The following FAM174A variants were observed in gnomAD, a reference collection of about 807,000 sequenced individuals.
The protein encoded by FAM174A is membrane protein FAM174A.
In FAM174A, 14 loss-of-function variants were observed where a neutral mutation model predicts 14.3. The ratio of observed to expected loss-of-function variants is 0.98; its 90% confidence interval spans 0.65 to 1.53. The LOEUF is 1.53. Ranked by LOEUF, FAM174A falls within the 40% of genes most tolerant of loss-of-function variation. The probability of loss-of-function intolerance (pLI) is 0.00; values close to 1 mark genes in which losing one functional copy is unlikely to be tolerated. For synonymous variants in FAM174A, 108 were observed against 111.4 expected, an observed-to-expected ratio of 0.97 and a Z score of 0.19; for missense variants, 241 against 249.6, an observed-to-expected ratio of 0.97 and a Z score of 0.23.
intron 2 of FAM174A, among the ~76,000 whole-genome samples, chr5:100,566,653 C>T (rs1746658651): frequency 6.6e-6 from 1 of 151,736 alleles, no homozygotes; most frequent in South Asian, 2.1e-4. Context: ...AGCATGATTG[C>T]AGTGATTGTT....
At chr5:100,565,936 A>G (rs1463473308) in intron 2 of FAM174A, among the ~76,000 whole-genome samples, 1 of 151,136 alleles carries the variant, frequency 6.6e-6, no homozygotes, top group Non-Finnish European at 1.5e-5. Flanking sequence ...GTGTAGGGGA[A>G]CCACCCTTTA....
At chr5:100,581,702 G>A (rs1747020808) in intron 2 of FAM174A, among the ~76,000 whole-genome samples, 1 of 152,152 alleles carries the variant, frequency 6.6e-6, no homozygotes. Context: ...GCCAGGGAGG[G>A]AGTGGGGAGT....
intron 1 of FAM174A, among the ~76,000 whole-genome samples, chr5:100,536,567 C>T (rs1193886484): frequency 6.6e-6 from 1 of 152,008 alleles, no homozygotes; most frequent in African/African-American, 2.4e-5. Context: ...TTTAATCTGC[C>T]ACCTAAGTGG....
At chr5:100,541,872 C>T (rs1464948442) in intron 1 of FAM174A, among the ~76,000 whole-genome samples, 3 of 152,176 alleles carry the variant, frequency 2.0e-5, no homozygotes, top group Non-Finnish European at 4.4e-5. Context: ...CTGGTTCTTA[C>T]TTTGACTTCT....
chr5:100,544,037 T>G (rs922082935), intron 1 of FAM174A, among the ~76,000 whole-genome samples: 12 of 152,162 alleles, frequency 7.9e-5, no homozygotes, highest in Non-Finnish European at 1.3e-4. Flanking sequence ...GATTTTCACG[T>G]TTTCTGAATT....
At chr5:100,564,058 C>T (rs1184785656) in intron 2 of FAM174A, among the ~76,000 whole-genome samples, 1 of 151,700 alleles carries the variant, frequency 6.6e-6, no homozygotes, top group Non-Finnish European at 1.5e-5. Context: ...CTCCTCCTTG[C>T]TCCTATATTT....
chr5:100,571,661 A>AGTGTGT (rs1408877377), intron 2 of FAM174A, among the ~76,000 whole-genome samples: 2 of 120,722 alleles, frequency 1.7e-5, no homozygotes, highest in African/African-American at 6.5e-5. Context: ...TATATACCTA[A>AGTGTGT]GTGTGTGTGT....
chr5:100,580,266 A>G (rs1746985515), intron 2 of FAM174A, among the ~76,000 whole-genome samples: 1 of 152,118 alleles, frequency 6.6e-6, no homozygotes, highest in African/African-American at 2.4e-5. Flanking sequence ...AATGTGAAAA[A>G]TGTGTGTCTT....
chr5:100,548,522 T>G (rs1383164933), intron 1 of FAM174A, among the ~76,000 whole-genome samples: 1 of 152,074 alleles, frequency 6.6e-6, no homozygotes, highest in Non-Finnish European at 1.5e-5. Flanking sequence ...TTTCACCTAA[T>G]TTTTTGACCT....
intron 2 of FAM174A, among the ~76,000 whole-genome samples, chr5:100,580,978 G>T (rs183448246): frequency 1.3e-3 from 196 of 152,238 alleles, no homozygotes; most frequent in African/African-American, 4.6e-3. Context: ...GCCCAGGCTG[G>T]ACTACAATGG....
At chr5:100,561,037 G>T (rs545208936) in intron 1 of FAM174A, among the ~76,000 whole-genome samples, 2 of 151,868 alleles carry the variant, frequency 1.3e-5, no homozygotes, top group Non-Finnish European at 2.9e-5. Flanking sequence ...AGCAGTCTTG[G>T]TTGCTGCCCT....
At chr5:100,543,543 A>T (rs1469361005) in intron 1 of FAM174A, among the ~76,000 whole-genome samples, 1 of 152,160 alleles carries the variant, frequency 6.6e-6, no homozygotes, top group Admixed American at 6.5e-5. Flanking sequence ...ATGGCATTTC[A>T]TGGGATCAAT....
At chr5:100,543,142 T>C (rs1035270141) in intron 1 of FAM174A, among the ~76,000 whole-genome samples, 12 of 152,136 alleles carry the variant, frequency 7.9e-5, no homozygotes, top group Non-Finnish European at 1.2e-4. Context: ...CCATTAGATA[T>C]ACTAGCTGCA....
At chr5:100,560,684 G>C (rs2072217709) in intron 1 of FAM174A, among the ~76,000 whole-genome samples, 1 of 152,036 alleles carries the variant, frequency 6.6e-6, no homozygotes, top group Non-Finnish European at 1.5e-5. Context: ...TGTCATGTTT[G>C]AGGAGTCTCA....
chr5:100,575,834 A>G (rs1481935936), intron 2 of FAM174A, among the ~76,000 whole-genome samples: 1 of 152,208 alleles, frequency 6.6e-6, no homozygotes, highest in African/African-American at 2.4e-5. Context: ...AAACAAATTT[A>G]CAAGAAAAAA....
intron 1 of FAM174A, among the ~76,000 whole-genome samples, chr5:100,560,820 T>C (rs1746508438): frequency 6.6e-6 from 1 of 152,044 alleles, no homozygotes; most frequent in East Asian, 1.9e-4. Context: ...TTTCTATTTA[T>C]TTTCAAACTC....
chr5:100,579,392 T>C (rs1230327553), intron 2 of FAM174A, among the ~76,000 whole-genome samples: 1 of 152,066 alleles, frequency 6.6e-6, no homozygotes, highest in African/African-American at 2.4e-5. Flanking sequence ...AGAAAAGAAA[T>C]AGCTGTCAGT....
At chr5:100,571,127 T>C (rs932415355) in intron 2 of FAM174A, among the ~76,000 whole-genome samples, 2 of 148,036 alleles carry the variant, frequency 1.4e-5, no homozygotes, top group African/African-American at 5.0e-5. Flanking sequence ...AGAGTTTATA[T>C]GTACATATAC....
chr5:100,577,527 A>G (rs1033982614), intron 2 of FAM174A, among the ~76,000 whole-genome samples: 14 of 152,154 alleles, frequency 9.2e-5, no homozygotes, highest in Non-Finnish European at 1.8e-4. Flanking sequence ...TGCAGATTCA[A>G]TATAAGTATT....
Sources: allele counts gnomAD v4.1 joint callset (sites outside exome capture counted in the v4.1 genomes callset), GRCh38; gene constraint gnomAD v4.1.1; transcripts MANE v1.5; gene names NCBI Gene and HGNC (gene_info 2026-07-23, HGNC 2026-07-21).